TOP2A: variants seen among roughly 807,000 people sequenced by gnomAD.
TOP2A encodes the protein DNA topoisomerase II alpha.
TOP2A carries 68 observed loss-of-function variants against 187.2 expected under a neutral mutation model. The ratio of observed to expected loss-of-function variants is 0.36; its 90% confidence interval spans 0.30 to 0.44. The LOEUF (loss-of-function observed/expected upper bound fraction) is 0.44, where lower values mean the gene tolerates loss of function less well. TOP2A is among the 20% of genes least tolerant of loss of function. TOP2A has a pLI of 1.00. For missense variants in TOP2A, 1,196 were observed against 1,808.7 expected (o/e 0.66, Z 6.14); for synonymous variants, 542 against 593.2 (o/e 0.91, Z 1.25).
chr17:40,414,587 G>A (rs2035367255), intron 4 of TOP2A, among the ~76,000 whole-genome samples: 1 of 152,098 alleles, frequency 6.6e-6, no homozygotes, highest in Admixed American at 6.5e-5. Flanking sequence ...GCTCACGCCT[G>A]TAATCCCAGC....
At chr17:40,396,595 G>T in intron 27 of TOP2A, 130 bp from the exon 28 acceptor site, 1 of 1,136,978 alleles carries the variant, frequency 8.8e-7, no homozygotes, top group Non-Finnish European at 1.2e-6. Context: ...CCATAACCTA[G>T]TATACTATCA....
intron 16 of TOP2A, 85 bp from the exon 17 acceptor site, chr17:40,404,968 G>T: frequency 1.4e-6 from 1 of 730,550 alleles, no homozygotes; most frequent in Non-Finnish European, 2.2e-6. Context: ...ACGAACAACA[G>T]AAAAACAAAA....
chr17:40,408,447 A>G (rs891502451), intron 11 of TOP2A, 45 bp downstream of exon 11: 12 of 1,542,852 alleles, frequency 7.8e-6, no homozygotes, highest in Admixed American at 6.1e-5. Context: ...GAATAAAATA[A>G]CAACTATAAG....
intron 3 of TOP2A, 42 bp downstream of exon 3, chr17:40,416,380 T>G (rs1567791979): frequency 8.1e-7 from 1 of 1,235,944 alleles, no homozygotes; most frequent in East Asian, 2.5e-5. Context: ...ATACTTCTTA[T>G]GAAAGATTTG....
At position 40,396,472 on chromosome 17, in the gene TOP2A, A is replaced by G. The variant is rs763531426; in HGVS notation, c.3538-7T>C. 5.9e-5 allele frequency: 95 copies of G among 1,603,970 alleles called. No homozygotes were observed. Among genetic ancestry groups the G allele is most frequent in the Non-Finnish European group, 7.7e-5 (91 of 1,174,492 alleles). ...TTTCCTTGGCTTCAACAGCCTACAG[A>G]AGGGATATAAGAAAGCAAGTTTAAA... On this transcript the variant is annotated splice_polypyrimidine_tract_variant and splice_region_variant and intron_variant, in intron 27 of 34. Transcript: ENST00000423485.
Position 40,406,876 on chromosome 17 carries a change from G to A in TOP2A, c.1693C>T (p.Leu565=). 1 of 1,608,246 alleles carries A rather than the reference G, an allele frequency of 6.2e-7. No individual in the cohort carries two copies. The highest frequency in any genetic ancestry group is 2.2e-5 in the East Asian group (1 of 44,784). Reference sequence around the variant, plus strand: ...AATTCCTCCAGAAAACGATGTCGCAGAAGAGAGGGCCAGTTGTGATGGATA... The same window carrying A: ...AATTCCTCCAGAAAACGATGTCGCAAAAGAGAGGGCCAGTTGTGATGGATA... ...NFIHHNWPSL[L]RHRFLEEFIT... Residue 565 remains leucine (L), a synonymous_variant, in exon 14 of 35, where the codon CTG becomes TTG. Transcript: ENST00000423485.
At chr17:40,398,363 CAAA>C (rs200417552) in intron 27 of TOP2A, among the ~76,000 whole-genome samples, 192 bp downstream of exon 27, 1 of 152,116 alleles carries the variant, frequency 6.6e-6, no homozygotes, top group Non-Finnish European at 1.5e-5. Flanking sequence ...CTCAGCCTTC[CAAA>C]ATGCTGGGAT....
intron 1 of TOP2A, 71 bp downstream of exon 1, chr17:40,417,700 C>T: frequency 1.2e-6 from 2 of 1,605,722 alleles, no homozygotes; most frequent in Admixed American, 1.7e-5. Flanking sequence ...GAGCTTCACC[C>T]GTCACGGGCG....
Position 40,416,768 on chromosome 17 carries a change from T to C in TOP2A, c.149A>G (p.Tyr50Cys). Residue 50 changes from tyrosine to cysteine, a missense_variant, in exon 2 of 35, where the codon TAC becomes TGC. Physicochemically the swap from Tyr to Cys is radical, Grantham distance 194. Coordinates refer to ENST00000423485, the MANE Select transcript of TOP2A (RefSeq NM_001067.4). ...GGTCACTAATTCCACAGAACCAATG[T>C]AGGTGTCTGGGCGGAGCAAAATATG... ...LEHILLRPDTYIGSVELVTQQ... is the reference protein window; with the variant it reads ...LEHILLRPDTCIGSVELVTQQ... 6.2e-7 allele frequency: 1 copy of C among 1,612,364 alleles called. No homozygotes were observed. The highest frequency in any genetic ancestry group is 8.5e-7 in the Non-Finnish European group (1 of 1,179,484).
At chr17:40,409,694 C>T (rs910855452) in intron 10 of TOP2A, 2 of 210,962 alleles carry the variant, frequency 9.5e-6, no homozygotes, top group South Asian at 6.0e-5. Context: ...CAAGGAGAAT[C>T]GCTTGAACCT....
chr17:40,409,600 A>G (rs2035294389), intron 10 of TOP2A: 1 of 339,064 alleles, frequency 2.9e-6, no homozygotes, highest in Non-Finnish European at 5.8e-6. Flanking sequence ...CTCTATTAAA[A>G]ATACAAAAAT....
chr17:40,413,676 T>G, intron 4 of TOP2A, 51 bp from the exon 5 acceptor site: 1 of 906,244 alleles, frequency 1.1e-6, no homozygotes, highest in African/African-American at 1.7e-5. Context: ...AAACGAATGC[T>G]TAACATTTAA....
At position 40,413,637 on chromosome 17, in the gene TOP2A, A is replaced by C; in HGVS notation, c.333-12T>G. 8.1e-7 allele frequency: 1 copy of C among 1,240,492 alleles called. No homozygotes were observed. Among genetic ancestry groups the C allele is most frequent in the Non-Finnish European group, 1.1e-6 (1 of 903,234 alleles). The allele number at this position is 1,240,492 out of a possible 1,614,324, so 76.8% of individuals were successfully genotyped here. On this transcript the variant is annotated splice_polypyrimidine_tract_variant and intron_variant, in intron 4 of 34. Coordinates refer to ENST00000423485, the MANE Select transcript of TOP2A (RefSeq NM_001067.4). ...TTAAATTGTTTTCCCTAAGAAAAAAAGATTGAAAATTGTATTTTACAACAC... is the reference window on the plus strand; with the variant it reads ...TTAAATTGTTTTCCCTAAGAAAAAACGATTGAAAATTGTATTTTACAACAC...
At position 40,400,070 on chromosome 17, in the gene TOP2A, G is replaced by A. The variant is rs2035156041; in HGVS notation, c.3001-3C>T. ...CAGCCTACGTGGTCAAAAAGCACCT[G>A]AAAAAGGAAAACAAGATTAGAGCCA... On this transcript the variant is annotated splice_polypyrimidine_tract_variant and splice_region_variant and intron_variant, in intron 23 of 34. Transcript: ENST00000423485. 1 of 1,600,702 alleles carries A rather than the reference G, an allele frequency of 6.2e-7. No homozygotes were observed. Among genetic ancestry groups the A allele is most frequent in the Non-Finnish European group, 8.5e-7 (1 of 1,175,320 alleles).
intron 10 of TOP2A, chr17:40,409,052 G>A (rs1034583153): frequency 2.9e-6 from 1 of 348,098 alleles, no homozygotes; most frequent in Admixed American, 4.0e-5. Flanking sequence ...AAAATTAGCT[G>A]GCGTGGTGGT....
At chr17:40,393,096 C>T (rs1020550177) in intron 29 of TOP2A, among the ~76,000 whole-genome samples, 3 of 152,072 alleles carry the variant, frequency 2.0e-5, no homozygotes, top group Middle Eastern at 3.4e-3. Flanking sequence ...GTGAGGTAGG[C>T]GGATCGCTTG....
At chr17:40,397,849 G>A (rs1359525315) in intron 27 of TOP2A, among the ~76,000 whole-genome samples, 1 of 149,044 alleles carries the variant, frequency 6.7e-6, no homozygotes, top group East Asian at 2.0e-4. Flanking sequence ...TGTGATCTTA[G>A]CTCACAGCAA....
intron 16 of TOP2A, among the ~76,000 whole-genome samples, chr17:40,405,092 C>G (rs573273894): frequency 1.3e-5 from 2 of 151,124 alleles, no homozygotes; most frequent in Admixed American, 6.6e-5. Flanking sequence ...TAGGTTCAAG[C>G]GATTCTCCTG....
intron 13 of TOP2A, 100 bp from the exon 14 acceptor site, chr17:40,407,042 T>C: frequency 1.1e-6 from 1 of 888,390 alleles, no homozygotes; most frequent in Non-Finnish European, 1.8e-6. Flanking sequence ...GGCAGGCGGA[T>C]CGCCTGAGGT....
Sources: allele counts gnomAD v4.1 joint callset (sites outside exome capture counted in the v4.1 genomes callset), GRCh38; gene constraint gnomAD v4.1.1; transcripts MANE v1.5; gene names NCBI Gene and HGNC (gene_info 2026-07-23, HGNC 2026-07-21).